WASF3: variants seen among roughly 807,000 people sequenced by gnomAD.
WASF3 encodes WASP family member 3, also known as actin-binding protein WASF3.
WASF3 carries 11 observed loss-of-function variants against 46.6 expected under a neutral mutation model. That is an observed-to-expected ratio of 0.24 (90% confidence interval 0.15 to 0.39). WASF3 has a LOEUF of 0.39. Ranked by LOEUF, WASF3 falls within the 10% of genes least tolerant of loss-of-function variation. WASF3 has a pLI of 1.00. For synonymous variants in WASF3, 242 were observed against 259.7 expected, an observed-to-expected ratio of 0.93 and a Z score of 0.65; for missense variants, 576 against 669.8, an observed-to-expected ratio of 0.86 and a Z score of 1.55.
chr13:26,671,661 A>G (rs1244635972), intron 5 of WASF3, among the ~76,000 whole-genome samples: 3 of 152,124 alleles, frequency 2.0e-5, no homozygotes, highest in Non-Finnish European at 4.4e-5. Context: ...AGTACTTTTA[A>G]CCTACAACAG....
intron 1 of WASF3, among the ~76,000 whole-genome samples, chr13:26,585,658 T>C (rs779048250): frequency 6.6e-6 from 1 of 152,128 alleles, no homozygotes; most frequent in African/African-American, 2.4e-5. Flanking sequence ...GTTGATGTTA[T>C]AAATTTGATA....
the WASF3 span, among the ~76,000 whole-genome samples, chr13:26,540,941 C>A: frequency 6.6e-6 from 1 of 152,052 alleles, no homozygotes; most frequent in Non-Finnish European, 1.5e-5. Flanking sequence ...TGTGTTCATT[C>A]CAAGTATATA....
At chr13:26,571,852 G>A (rs561983149) in intron 1 of WASF3, among the ~76,000 whole-genome samples, 61 of 152,304 alleles carry the variant, frequency 4.0e-4, no homozygotes, top group African/African-American at 1.3e-3. Flanking sequence ...AAGAACAGTC[G>A]AATGTTCGTC....
At chr13:26,644,201 A>G (rs796353967) in intron 3 of WASF3, among the ~76,000 whole-genome samples, 7 of 152,344 alleles carry the variant, frequency 4.6e-5, no homozygotes, top group African/African-American at 1.4e-4. Flanking sequence ...GAAGGCAAGG[A>G]AATTGGTTCT....
chr13:26,666,747 A>C (rs1339150599), intron 4 of WASF3, among the ~76,000 whole-genome samples: 1 of 151,862 alleles, frequency 6.6e-6, no homozygotes, highest in Non-Finnish European at 1.5e-5. Context: ...AAAATACAAA[A>C]AATTAGCCGG....
chr13:26,614,094 G>T (rs1056364869), intron 2 of WASF3, among the ~76,000 whole-genome samples: 31 of 152,044 alleles, frequency 2.0e-4, no homozygotes, highest in African/African-American at 7.5e-4. Flanking sequence ...TCTTTTGGAA[G>T]GATAGGGAGA....
Position 26,686,477 on chromosome 13 carries a change from T to G in WASF3, c.*632T>G, listed in dbSNP as rs1191743088. 1 of 152,256 alleles carries G rather than the reference T, an allele frequency of 6.6e-6. No homozygotes were observed. Among genetic ancestry groups the G allele is most frequent in the Non-Finnish European group, 1.5e-5 (1 of 68,062 alleles). 9.4% of individuals were successfully genotyped at this position (152,256 alleles called of 1,614,324 possible). On this transcript the variant is annotated 3_prime_UTR_variant, in exon 10 of 10. Coordinates refer to ENST00000335327, the MANE Select transcript of WASF3 (RefSeq NM_006646.6). ...AAATATGAAATTGGAAGGGCCCTTT[T>G]CAGGCTGGGTTCCCTGTGGGCATTT... is the stretch of plus-strand genomic sequence containing the variant.
At chr13:26,662,739 G>A (rs1882665238) in intron 3 of WASF3, among the ~76,000 whole-genome samples, 2 of 152,166 alleles carry the variant, frequency 1.3e-5, no homozygotes, top group South Asian at 4.2e-4. Context: ...TCCCCAAACT[G>A]CAGTCACTCA....
At chr13:26,554,070 T>C (rs1332697398), upstream of WASF3, among the ~76,000 whole-genome samples, 8 of 98,230 alleles carry the variant, frequency 8.1e-5, no homozygotes, top group African/African-American at 3.0e-4. Flanking sequence ...CTTCCTTCCT[T>C]CCTTCCTTCC....
At chr13:26,649,633 C>T (rs1265759614) in intron 3 of WASF3, among the ~76,000 whole-genome samples, 2 of 152,278 alleles carry the variant, frequency 1.3e-5, no homozygotes, top group East Asian at 3.9e-4. Flanking sequence ...TCATTGAGGA[C>T]AAGTTTGAGA....
chr13:26,613,951 T>C (rs1881056949), intron 2 of WASF3, among the ~76,000 whole-genome samples: 1 of 152,194 alleles, frequency 6.6e-6, no homozygotes, highest in African/African-American at 2.4e-5. Flanking sequence ...AGCAGACTAG[T>C]AGGGCAAGTT....
chr13:26,628,646 T>A (rs933343348), intron 2 of WASF3, among the ~76,000 whole-genome samples: 1 of 152,220 alleles, frequency 6.6e-6, no homozygotes, highest in Non-Finnish European at 1.5e-5. Flanking sequence ...ATTCCTCTTT[T>A]CATTTTCTAT....
At chr13:26,566,727 C>CTTT (rs1036944463) in intron 1 of WASF3, among the ~76,000 whole-genome samples, 4 of 152,198 alleles carry the variant, frequency 2.6e-5, no homozygotes, top group Non-Finnish European at 5.9e-5. Context: ...GCACACATTG[C>CTTT]TTCTCATCCT....
At chr13:26,599,184 C>CTTTTTTTTTTTTTTT (rs57148941) in intron 1 of WASF3, among the ~76,000 whole-genome samples, 4 of 118,292 alleles carry the variant, frequency 3.4e-5, no homozygotes, top group South Asian at 2.7e-4. Flanking sequence ...CTTTTCATTT[C>CTTTTTTTTTTTTTTT]TTTTTTTTTT....
chr13:26,624,302 CA>C (rs1037126394), intron 2 of WASF3, among the ~76,000 whole-genome samples: 1 of 151,990 alleles, frequency 6.6e-6, no homozygotes, highest in Non-Finnish European at 1.5e-5. Context: ...AATGTAAAAA[CA>C]AATTGGGTTT....
At chr13:26,628,209 C>T (rs1881533103) in intron 2 of WASF3, among the ~76,000 whole-genome samples, 1 of 151,990 alleles carries the variant, frequency 6.6e-6, no homozygotes, top group Admixed American at 6.6e-5. Flanking sequence ...GCCTGGGGCT[C>T]CAAATAGTAA....
chr13:26,616,452 G>A (rs1445247153), intron 2 of WASF3, among the ~76,000 whole-genome samples: 1 of 152,078 alleles, frequency 6.6e-6, no homozygotes, highest in African/African-American at 2.4e-5. Flanking sequence ...TTAAGAAATT[G>A]GGTACTTTAT....
At position 26,686,113 on chromosome 13, in the gene WASF3, G is replaced by A; in HGVS notation, c.*268G>A. The A allele has an allele frequency of 2.4e-6, 1 of 417,724 alleles. No individual in the cohort carries two copies. The allele number at this position is 417,724 out of a possible 1,614,324, so 25.9% of individuals were successfully genotyped here. A position where few individuals can be genotyped will look rare whatever the true frequency, so the allele number is the denominator to read the frequency against. On this transcript the variant is annotated 3_prime_UTR_variant, in exon 10 of 10. Coordinates refer to ENST00000335327, the MANE Select transcript of WASF3 (RefSeq NM_006646.6). ...GAAAACAGCATCTGCTTTCCTCTTG[G>A]CCATGAGAGTATTTAGTGCAGTTTG...
At chr13:26,540,188 T>G in the WASF3 span, among the ~76,000 whole-genome samples, 1 of 152,156 alleles carries the variant, frequency 6.6e-6, no homozygotes, top group Admixed American at 6.5e-5. Context: ...CAAGATAGAA[T>G]GCCAGTTCCT....
Sources: gnomAD v4.1 joint callset for allele counts (sites outside exome capture counted in the v4.1 genomes callset) on GRCh38, gnomAD v4.1.1 for gene constraint, MANE v1.5 for transcripts, NCBI Gene and HGNC (gene_info 2026-07-23, HGNC 2026-07-21) for gene names.